The following BAALC variants were observed in gnomAD, a reference collection of about 807,000 sequenced individuals.
BAALC encodes the protein BAALC binder of MAP3K1 and KLF4.
Under a neutral mutation model 15.5 loss-of-function variants are expected in BAALC, and 9 were observed. That is an observed-to-expected ratio of 0.58 (90% confidence interval 0.35 to 1.02). The LOEUF (loss-of-function observed/expected upper bound fraction) is 1.02. Among genes scored for constraint, BAALC ranks in the 50% least tolerant of loss-of-function variants. The probability of loss-of-function intolerance (pLI) is 0.02; values close to 1 mark genes in which losing one functional copy is unlikely to be tolerated. For synonymous variants in BAALC, 80 were observed against 74.6 expected, an observed-to-expected ratio of 1.07 and a Z score of -0.37; for missense variants, 201 against 192.4, an observed-to-expected ratio of 1.04 and a Z score of -0.27.
intron 1 of BAALC, among the ~76,000 whole-genome samples, chr8:103,193,452 CTT>C (rs1812019098): frequency 6.6e-6 from 1 of 152,236 alleles, no homozygotes; most frequent in African/African-American, 2.4e-5. Context: ...AGTGCCCTCT[CTT>C]GCTCTCAAGA....
At chr8:103,212,892 G>C (rs757994399) in intron 1 of BAALC, 27 bp from the exon 2 acceptor site, 11 of 1,597,932 alleles carry the variant, frequency 6.9e-6, no homozygotes, top group Non-Finnish European at 8.5e-6. Flanking sequence ...CAAGCTTCTG[G>C]TTCCATCCTC....
intron 1 of BAALC, among the ~76,000 whole-genome samples, chr8:103,171,105 AAAAG>A (rs1811473592): frequency 2.0e-5 from 3 of 152,080 alleles, no homozygotes; most frequent in East Asian, 1.9e-4. Flanking sequence ...GAAAGGGAGA[AAAAG>A]AAAGGAAAAA....
chr8:103,141,774 A>C (rs541754522), intron 1 of BAALC, among the ~76,000 whole-genome samples: 5 of 152,258 alleles, frequency 3.3e-5, no homozygotes, highest in Non-Finnish European at 2.9e-5. Context: ...GTGGATTTTG[A>C]CTATAAATTA....
intron 1 of BAALC, among the ~76,000 whole-genome samples, chr8:103,159,623 C>T (rs1811177362): frequency 6.6e-6 from 1 of 152,136 alleles, no homozygotes; most frequent in Non-Finnish European, 1.5e-5. Flanking sequence ...TATGTGTATA[C>T]TCAGGGTTTC....
At chr8:103,225,967 C>T (rs1812799478) in intron 2 of BAALC, among the ~76,000 whole-genome samples, 1 of 152,178 alleles carries the variant, frequency 6.6e-6, no homozygotes, top group Non-Finnish European at 1.5e-5. Flanking sequence ...GGATTTTTCT[C>T]CATCAGTGCA....
At chr8:103,169,894 C>G (rs1811439598) in intron 1 of BAALC, among the ~76,000 whole-genome samples, 1 of 152,086 alleles carries the variant, frequency 6.6e-6, no homozygotes, top group Non-Finnish European at 1.5e-5. Flanking sequence ...GCTTCTGAAG[C>G]CAGTTTTCCA....
chr8:103,175,491 A>G (rs1811588383), intron 1 of BAALC, among the ~76,000 whole-genome samples: 1 of 152,218 alleles, frequency 6.6e-6, no homozygotes, highest in African/African-American at 2.4e-5. Context: ...AAAGGAATTC[A>G]TGTGTAAATC....
At chr8:103,179,355 G>A (rs987141254) in intron 1 of BAALC, among the ~76,000 whole-genome samples, 1 of 152,164 alleles carries the variant, frequency 6.6e-6, no homozygotes, top group South Asian at 2.1e-4. Flanking sequence ...ACACCTTTAG[G>A]TGAGCTTGTT....
At chr8:103,151,796 T>C (rs183189103) in intron 1 of BAALC, among the ~76,000 whole-genome samples, 587 of 152,190 alleles carry the variant, frequency 3.9e-3, no homozygotes, top group Middle Eastern at 0.014. Flanking sequence ...AATTCTCCCA[T>C]TTTTCCTTCC....
At chr8:103,222,998 G>A (rs1812713488) in intron 2 of BAALC, among the ~76,000 whole-genome samples, 1 of 152,158 alleles carries the variant, frequency 6.6e-6, no homozygotes, top group South Asian at 2.1e-4. Flanking sequence ...TCTGGGATGT[G>A]GGACTTTTAG....
At chr8:103,215,161 C>T (rs889871089) in intron 2 of BAALC, among the ~76,000 whole-genome samples, 1 of 152,202 alleles carries the variant, frequency 6.6e-6, no homozygotes, top group South Asian at 2.1e-4. Flanking sequence ...CCTGCCCCCC[C>T]ATCCATCACT....
chr8:103,153,735 A>T (rs993816217), intron 1 of BAALC, among the ~76,000 whole-genome samples: 1 of 152,166 alleles, frequency 6.6e-6, no homozygotes, highest in African/African-American at 2.4e-5. Context: ...TCTGTTGGAG[A>T]AGCAGCTCGC....
At chr8:103,150,297 A>G (rs904498314) in intron 1 of BAALC, among the ~76,000 whole-genome samples, 2 of 151,962 alleles carry the variant, frequency 1.3e-5, no homozygotes, top group Non-Finnish European at 2.9e-5. Flanking sequence ...TTGGGTGGGG[A>G]CACAGCCAAA....
At chr8:103,189,869 G>C (rs1162598487) in intron 1 of BAALC, among the ~76,000 whole-genome samples, 1 of 152,182 alleles carries the variant, frequency 6.6e-6, no homozygotes, top group Non-Finnish European at 1.5e-5. Context: ...GCTGAGGGAA[G>C]ATCCGTCTTC....
At chr8:103,220,282 C>T (rs1812648659) in intron 2 of BAALC, among the ~76,000 whole-genome samples, 1 of 152,156 alleles carries the variant, frequency 6.6e-6, no homozygotes, top group South Asian at 2.1e-4. Context: ...TTTCAGCTGC[C>T]TCATTGGGAA....
intron 1 of BAALC, among the ~76,000 whole-genome samples, chr8:103,188,726 C>T (rs537109134): frequency 6.6e-6 from 1 of 152,280 alleles, no homozygotes; most frequent in East Asian, 1.9e-4. Flanking sequence ...CCTTCCTCAA[C>T]CTTTCAGTAT....
At chr8:103,224,778 GA>G (rs1812767381) in intron 2 of BAALC, among the ~76,000 whole-genome samples, 1 of 152,192 alleles carries the variant, frequency 6.6e-6, no homozygotes, top group Admixed American at 6.5e-5. Flanking sequence ...AAATATGGCA[GA>G]AAAATGTTTT....
intron 1 of BAALC, among the ~76,000 whole-genome samples, chr8:103,149,138 G>T (rs1464599784): frequency 2.6e-5 from 4 of 151,164 alleles, no homozygotes; most frequent in Non-Finnish European, 4.4e-5. Context: ...AGGGTCCATT[G>T]TGCTGTGCTG....
At chr8:103,183,514 T>C (rs1257450783) in intron 1 of BAALC, 3 of 699,506 alleles carry the variant, frequency 4.3e-6, no homozygotes, top group Non-Finnish European at 7.8e-6. Context: ...GAGGTGGGTA[T>C]GGGACAACTC....
Sources: gnomAD v4.1 joint callset for allele counts (sites outside exome capture counted in the v4.1 genomes callset) on GRCh38, gnomAD v4.1.1 for gene constraint, MANE v1.5 for transcripts, NCBI Gene and HGNC (gene_info 2026-07-23, HGNC 2026-07-21) for gene names.